The following MAP3K11 variants were observed in gnomAD, a reference collection of about 807,000 sequenced individuals.
MAP3K11 encodes mitogen-activated protein kinase kinase kinase 11, also known as SH3 domain-containing proline-rich kinase.
In MAP3K11, 46 loss-of-function variants were observed where a neutral mutation model predicts 84.9. The ratio of observed to expected loss-of-function variants is 0.54; its 90% CI spans 0.43 to 0.69. MAP3K11 has a LOEUF of 0.69. MAP3K11 is among the 30% of genes least tolerant of loss of function. MAP3K11 has a pLI of 0.00. For missense variants in MAP3K11, 1,053 were observed against 1,198.3 expected, an observed-to-expected ratio of 0.88 and a Z score of 1.79; for synonymous variants, 527 against 514.7, an observed-to-expected ratio of 1.02 and a Z score of -0.32.
At chr11:65,602,378 G>GA (rs1554988167) in intron 8 of MAP3K11, among the ~76,000 whole-genome samples, 2 of 152,194 alleles carry the variant, frequency 1.3e-5, no homozygotes, top group Non-Finnish European at 2.9e-5. Context: ...GGGCATGGTG[G>GA]TTCACGCTTG....
At chr11:65,605,659 C>T in intron 8 of MAP3K11, 102 bp downstream of exon 8, 2 of 783,608 alleles carry the variant, frequency 2.6e-6, no homozygotes. Flanking sequence ...TGAGAGCAAC[C>T]AGGGCAGGAC....
chr11:65,609,528 C>G (rs1004000031), intron 1 of MAP3K11: 1 of 152,238 alleles, frequency 6.6e-6, no homozygotes, highest in Non-Finnish European at 1.5e-5. Flanking sequence ...TTGCATATCT[C>G]TCACCAGGAC....
chr11:65,605,256 G>A (rs1296743688), intron 8 of MAP3K11, among the ~76,000 whole-genome samples: 2 of 151,940 alleles, frequency 1.3e-5, no homozygotes, highest in African/African-American at 4.8e-5. Context: ...GGTGAGAATG[G>A]GTCCTGGATC....
chr11:65,606,531 T>C, intron 6 of MAP3K11, 160 bp downstream of exon 6: 1 of 526,424 alleles, frequency 1.9e-6, no homozygotes, highest in Non-Finnish European at 3.4e-6. Context: ...AAATTAATGC[T>C]GCTTGGGGAG....
chr11:65,606,621 C>A, intron 6 of MAP3K11, 70 bp downstream of exon 6: 5 of 1,225,674 alleles, frequency 4.1e-6, no homozygotes, highest in Non-Finnish European at 5.7e-6. Flanking sequence ...GCTCCGCCTC[C>A]AAGAATAAGG....
chr11:65,607,308 C>A lies in MAP3K11; in HGVS notation c.1451G>T (p.Arg484Leu). ...GATACGCTCGCCGCCGTCGCGCGCC[C>A]GGAGCTTGCTGCGCTTGAATGTCCC... ...RRGTFKRSKL[R>L]ARDGGERISM... Residue 484 changes from arginine to leucine, a missense_variant, in exon 5 of 10, where the codon CGG (arginine) becomes CTG (leucine). By Grantham distance (102) the Arg-to-Leu change is moderately radical. Around this residue, in one of 3 missense-constraint regions of MAP3K11, gnomAD observed 583 missense variants for 566.6 expected, o/e 1.03. Transcript: ENST00000309100. The A allele has an allele frequency of 6.6e-7, 1 of 1,523,052 alleles. No homozygotes were observed. 94.3% of individuals were successfully genotyped at this position (1,523,052 alleles called of 1,614,324 possible).
intron 8 of MAP3K11, among the ~76,000 whole-genome samples, chr11:65,601,932 G>A (rs1173302489): frequency 2.0e-5 from 3 of 151,766 alleles, no homozygotes; most frequent in Non-Finnish European, 2.9e-5. Context: ...GGCCGGGTGC[G>A]GTGGCTCACA....
chr11:65,607,114 G>GAA, intron 5 of MAP3K11, 156 bp downstream of exon 5: 1 of 1,094,180 alleles, frequency 9.1e-7, no homozygotes, highest in Non-Finnish European at 1.2e-6. Flanking sequence ...CCCACAGACA[G>GAA]AAAAAAAACA....
chr11:65,603,697 G>C (rs1354528157), intron 8 of MAP3K11, among the ~76,000 whole-genome samples: 2 of 152,242 alleles, frequency 1.3e-5, no homozygotes, highest in African/African-American at 4.8e-5. Flanking sequence ...GTGTGGGATT[G>C]GGCTAGGGGA....
rs11824024 is a variant in MAP3K11, at chr11:65,606,674, G to C, written c.1603+17C>G. On this transcript the variant is annotated intron_variant, in intron 6 of 9. Coordinates refer to ENST00000309100, the MANE Select transcript of MAP3K11 (RefSeq NM_002419.4). ...AGCTGGGGGGCGGAGAGGGGCATGA[G>C]AGGTGAAGTTTCTTACACTGGATGG... The C allele has an allele frequency of 4.5e-3, 6,981 of 1,553,578 alleles. 287 individuals are homozygous for C. The African/African-American group carries it at 0.087, about 19-fold the overall frequency.
intron 5 of MAP3K11, chr11:65,607,060 T>G (rs1365019127): frequency 1.1e-5 from 8 of 720,650 alleles, no homozygotes; most frequent in Admixed American, 4.0e-5. Flanking sequence ...ACCCCACCCC[T>G]TCCCACTCCC....
At position 65,608,040 on chromosome 11, in the gene MAP3K11, G is replaced by A; in HGVS notation, c.951C>T (p.Thr317=). 1.9e-6 allele frequency: 3 copies of A among 1,614,146 alleles called. No homozygotes were observed. The highest frequency in any genetic ancestry group is 2.5e-6 in the Non-Finnish European group (3 of 1,180,024). ...CAATGCCACGGTATGGCACCTCCCC[G>A]GTCAGCAGTTCCCACAGCAGCACCC... ...SFGVLLWELL[T]GEVPYRGIDC... Residue 317 remains threonine (T), a synonymous_variant, in exon 3 of 10, where the codon ACC becomes ACT. Coordinates refer to ENST00000309100, the MANE Select transcript of MAP3K11 (RefSeq NM_002419.4).
chr11:65,606,172 A>C, intron 6 of MAP3K11, 91 bp from the exon 7 acceptor site: 1 of 1,389,726 alleles, frequency 7.2e-7, no homozygotes, highest in Non-Finnish European at 9.5e-7. Flanking sequence ...GAGTATGGGG[A>C]GCAGGCTGGG....
chr11:65,601,921 T>G (rs1854460175), intron 8 of MAP3K11, among the ~76,000 whole-genome samples: 1 of 148,874 alleles, frequency 6.7e-6, no homozygotes, highest in African/African-American at 2.5e-5. Flanking sequence ...AAGAAAGAGT[T>G]GGCCGGGTGC....
Position 65,599,687 on chromosome 11 carries a change from G to A in MAP3K11, c.1913C>T (p.Pro638Leu), listed in dbSNP as rs1354321094. 6.4e-7 allele frequency: 1 copy of A among 1,565,490 alleles called. No individual in the cohort carries two copies. The highest frequency in any genetic ancestry group is 1.3e-5 in the African/African-American group (1 of 74,318). ...PAERGSSSGTPKLIQRALLRG... is the reference protein window; with the variant it reads ...PAERGSSSGTLKLIQRALLRG... ...CAGCAGCGCCCGCTGGATCAGCTTG[G>A]GCGTCCCAGAGCTGCTACCGCGCTC... The change falls in exon 9 of 10, where the codon CCC (proline) becomes CTC (leucine). Residue 638 changes from proline (P) to leucine (L), a missense_variant. Coordinates refer to ENST00000309100, the MANE Select transcript of MAP3K11 (RefSeq NM_002419.4).
Position 65,607,435 on chromosome 11 carries a change from C to A in MAP3K11, c.1324G>T (p.Glu442Ter). 1 of 1,497,904 alleles carries A rather than the reference C, an allele frequency of 6.7e-7. No homozygotes were observed. Among genetic ancestry groups the A allele is most frequent in the Non-Finnish European group, 8.8e-7 (1 of 1,133,012 alleles). The allele number at this position is 1,497,904 out of a possible 1,614,324, so 92.8% of individuals were successfully genotyped here. ...RSQAEQLRRR[E>*]HLLAQWELEV... ...AGCTCCCACTGGGCCAGCAGGTGCT[C>A]GCGCCGCCGCAGCTGCTCCGCCTGT... Residue 442 changes from glutamate to a stop codon, truncating the protein, a stop_gained, in exon 5 of 10, where the codon GAG (glutamate) becomes TAG (stop). Transcript: ENST00000309100. LOFTEE classifies it high-confidence loss of function.
At position 65,613,936 on chromosome 11, in the gene MAP3K11, G is replaced by T; in HGVS notation, c.-180C>A. On this transcript the variant is annotated 5_prime_UTR_variant, in exon 1 of 10. Transcript: ENST00000309100. ...TGTCTCCCGGCCCCCCGCATCTCGG[G>T]CTTCTGGAGGAGGGCACCCAGGGCA... 1 of 777,934 alleles carries T rather than the reference G, an allele frequency of 1.3e-6. No individual in the cohort carries two copies. The highest frequency in any genetic ancestry group is 2.0e-6 in the Non-Finnish European group (1 of 507,928). The allele number at this position is 777,934 out of a possible 1,614,324, so 48.2% of individuals were successfully genotyped here.
At chr11:65,601,922 G>C (rs974634546) in intron 8 of MAP3K11, among the ~76,000 whole-genome samples, 1 of 151,886 alleles carries the variant, frequency 6.6e-6, no homozygotes, top group Non-Finnish European at 1.5e-5. Flanking sequence ...AGAAAGAGTT[G>C]GCCGGGTGCG....
chr11:65,607,505 C>A lies in MAP3K11; in HGVS notation c.1254G>T (p.Leu418=). 1 of 1,572,228 alleles carries A rather than the reference C, an allele frequency of 6.4e-7. No individual in the cohort carries two copies. Among genetic ancestry groups the A allele is most frequent in the Non-Finnish European group, 8.6e-7 (1 of 1,166,972 alleles). Residue 418 remains leucine, a synonymous_variant, in exon 5 of 10, where the codon CTG becomes CTT. Coordinates refer to ENST00000309100, the MANE Select transcript of MAP3K11 (RefSeq NM_002419.4). ...DELRAKEKEL[L]SREEELTRAA... ...CTCGCGTCAGCTCCTCCTCGCGGCT[C>A]AGTAGTTCCTGCGCCCGAGACAGCG...
Sources: allele counts gnomAD v4.1 joint callset (sites outside exome capture counted in the v4.1 genomes callset), GRCh38; gene constraint gnomAD v4.1.1; regional missense constraint gnomAD v4.1.1; transcripts MANE v1.5; gene names NCBI Gene and HGNC (gene_info 2026-07-23, HGNC 2026-07-21).